The following MAP1B variants were observed in gnomAD, a reference collection of about 807,000 sequenced individuals.
MAP1B encodes microtubule-associated protein 1B.
MAP1B carries 12 observed loss-of-function variants against 176.1 expected under a neutral mutation model. The observed-to-expected ratio is 0.07, with a 90% CI of 0.04 to 0.11. MAP1B has a LOEUF of 0.11. MAP1B is among the 10% of genes least tolerant of loss of function. The pLI is 1.00. For missense variants in MAP1B, 2,523 were observed against 2,990.5 expected (o/e 0.84, Z 3.65); for synonymous variants, 1,044 against 1,135.0 (o/e 0.92, Z 1.61).
chr5:72,128,884 C>G (rs1745675378), intron 2 of MAP1B, among the ~76,000 whole-genome samples: 1 of 152,206 alleles, frequency 6.6e-6, no homozygotes, highest in Admixed American at 6.5e-5. Context: ...ATCTCCTGGC[C>G]TCAAGCAGTC....
chr5:72,107,624 C>A lies in MAP1B; in HGVS notation c.93C>A (p.Arg31=). Reference sequence around the variant, plus strand: ...CCACCTCGCCTAGCCTGTCGCACCGCTTCCTTGACAGCAAGTTCTACTTGC... The same window carrying A: ...CCACCTCGCCTAGCCTGTCGCACCGATTCCTTGACAGCAAGTTCTACTTGC... The part of the protein sequence containing the change: ...AASTSPSLSH[R]FLDSKFYLLV... Residue 31 remains arginine, a synonymous_variant, in exon 1 of 7, where the codon CGC becomes CGA. Transcript: ENST00000296755. 6.2e-7 allele frequency: 1 copy of A among 1,600,236 alleles called. No individual in the cohort carries two copies. Among genetic ancestry groups the A allele is most frequent in the South Asian group, 1.1e-5 (1 of 90,924 alleles).
chr5:72,157,574 C>G lies in MAP1B; in HGVS notation c.287-26169C>G, dbSNP rs139995184. Among the ~76,000 whole-genome samples the G allele has an allele frequency of 8.6e-3, 1,316 of 152,250 alleles. 23 individuals carry two copies. The highest frequency in any genetic ancestry group is 0.03 in the African/African-American group (1,234 of 41,528). ...CTCCCTGGGGACTGACTGGGGAGGA[C>G]ACCTTTGATTACAGGGATCGGGGAG... On this transcript the variant is annotated intron_variant, in intron 2 of 6. Transcript: ENST00000296755.
chr5:72,144,507 C>T (rs1050627591), intron 2 of MAP1B, among the ~76,000 whole-genome samples: 1 of 152,184 alleles, frequency 6.6e-6, no homozygotes, highest in Non-Finnish European at 1.5e-5. Flanking sequence ...GATCCTCCCT[C>T]CTTAGCCTAC....
chr5:72,117,419 T>A (rs1351999071), intron 2 of MAP1B, among the ~76,000 whole-genome samples: 1 of 152,246 alleles, frequency 6.6e-6, no homozygotes. Flanking sequence ...GACTTCTTTT[T>A]TTGTGTGTAC....
chr5:72,120,954 G>GT (rs1745516916), intron 2 of MAP1B, among the ~76,000 whole-genome samples: 1 of 152,206 alleles, frequency 6.6e-6, no homozygotes, highest in African/African-American at 2.4e-5. Flanking sequence ...GTTTCTCAGA[G>GT]AAACGACTGC....
chr5:72,146,483 T>C (rs1261246078), intron 2 of MAP1B, among the ~76,000 whole-genome samples: 1 of 152,250 alleles, frequency 6.6e-6, no homozygotes, highest in Admixed American at 6.5e-5. Context: ...TAACGTTTAC[T>C]AAATGCTTCC....
intron 2 of MAP1B, among the ~76,000 whole-genome samples, chr5:72,155,975 C>G (rs1252446595): frequency 6.6e-6 from 1 of 152,110 alleles, no homozygotes; most frequent in African/African-American, 2.4e-5. Context: ...CCACATTGGT[C>G]AGGTTGGTCT....
rs1334230891 is a variant in MAP1B, at chr5:72,199,925, C to T, written c.6570C>T (p.Asp2190=). ...ACGAGTCGGAAACCATCCCCACAGA[C>T]AAAACTGTCACGTACAAACACATGG... ...SEDESETIPT[D]KTVTYKHMDP... is the part of the protein sequence containing the mutation. Residue 2190 remains aspartate (D), a synonymous_variant, in exon 5 of 7, where the codon GAC becomes GAT. Transcript: ENST00000296755. The surrounding 1 kb of genome is among the most constrained non-coding windows in gnomAD (Gnocchi z 4.2). 1 of 1,614,208 alleles carries T rather than the reference C, an allele frequency of 6.2e-7. No homozygotes were observed. Among genetic ancestry groups the T allele is most frequent in the South Asian group, 1.1e-5 (1 of 91,088 alleles).
At position 72,197,192 on chromosome 5, in the gene MAP1B, C is replaced by T. The variant is rs144127266; in HGVS notation, c.3837C>T (p.Phe1279=). The T allele has an allele frequency of 7.0e-5, 113 of 1,614,122 alleles. No individual in the cohort carries two copies. Among genetic ancestry groups the T allele is most frequent in the Non-Finnish European group, 9.2e-5 (108 of 1,180,060 alleles). The change falls in exon 5 of 7, where the codon TTC becomes TTT. Residue 1279 remains phenylalanine, a synonymous_variant. Coordinates refer to ENST00000296755, the MANE Select transcript of MAP1B (RefSeq NM_005909.5). ...KTPLGERSVN[F]SLTPNEIKVS... is the part of the protein sequence containing the mutation. The stretch of plus-strand genomic sequence containing the variant: ...CCCTGGGTGAACGTAGTGTGAACTT[C>T]TCTCTGACGCCCAATGAGATTAAAG...
chr5:72,143,861 A>AT (rs995226663), intron 2 of MAP1B, among the ~76,000 whole-genome samples: 32 of 147,540 alleles, frequency 2.2e-4, no homozygotes, highest in South Asian at 4.2e-4. Flanking sequence ...TAATTTATTT[A>AT]TTTTTTTTGT....
At chr5:72,170,449 C>A (rs549044432) in intron 2 of MAP1B, among the ~76,000 whole-genome samples, 328 of 152,200 alleles carry the variant, frequency 2.2e-3, no homozygotes, top group African/African-American at 7.6e-3. Flanking sequence ...TTTAATAAAT[C>A]TTTTACTGCT....
chr5:72,187,017 A>G (rs1026374714), intron 4 of MAP1B, among the ~76,000 whole-genome samples: 2 of 152,244 alleles, frequency 1.3e-5, no homozygotes, highest in African/African-American at 4.8e-5. Flanking sequence ...CACTTTACAG[A>G]TGGTAAAAAT....
intron 1 of MAP1B, among the ~76,000 whole-genome samples, chr5:72,114,048 A>G (rs888163977): frequency 1.3e-5 from 2 of 152,200 alleles, no homozygotes; most frequent in Non-Finnish European, 2.9e-5. Context: ...CCTTTCCTTA[A>G]GCACGTTAAC....
At position 72,194,762 on chromosome 5, in the gene MAP1B, C is replaced by A; in HGVS notation, c.1407C>A (p.Val469=). The A allele has an allele frequency of 6.2e-7, 1 of 1,614,182 alleles. No individual in the cohort carries two copies. The highest frequency in any genetic ancestry group is 8.5e-7 in the Non-Finnish European group (1 of 1,180,046). ...VDLPISYLTS[V]SSLIVWHPAN... ...TCCCGATTTCCTACTTAACTTCAGT[C>A]TCATCTTTGATTGTGTGGCATCCAG... The change falls in exon 5 of 7, where the codon GTC becomes GTA. Residue 469 remains valine, a synonymous_variant. Coordinates refer to ENST00000296755, the MANE Select transcript of MAP1B (RefSeq NM_005909.5). This position sits in a 1 kb window ranked among gnomAD's most constrained non-coding sequence, Gnocchi z 7.2.
At chr5:72,185,351 A>T (rs1387002151) in intron 3 of MAP1B, among the ~76,000 whole-genome samples, 2 of 152,192 alleles carry the variant, frequency 1.3e-5, no homozygotes, top group Non-Finnish European at 1.5e-5. Context: ...CTCTGTTACT[A>T]ACAGAATCGG....
intron 2 of MAP1B, among the ~76,000 whole-genome samples, chr5:72,151,980 A>G (rs1489326253): frequency 1.3e-5 from 2 of 152,228 alleles, no homozygotes; most frequent in African/African-American, 4.8e-5. Context: ...ACTGTTAGCA[A>G]CTTACATAAC....
At chr5:72,138,848 A>G (rs540140140) in intron 2 of MAP1B, among the ~76,000 whole-genome samples, 2 of 152,326 alleles carry the variant, frequency 1.3e-5, no homozygotes, top group South Asian at 4.1e-4. Context: ...AAATTGTAAT[A>G]TGGGTTATCA....
chr5:72,174,991 CTCCT>C (rs1340929410), intron 2 of MAP1B, among the ~76,000 whole-genome samples: 1 of 129,454 alleles, frequency 7.7e-6, no homozygotes, highest in African/African-American at 2.9e-5. Context: ...CCTTCCCTCC[CTCCT>C]TCCTTCCTTC....
Position 72,182,023 on chromosome 5 carries a change from CTTTTT to C in MAP1B, c.287-1703_287-1699del, listed in dbSNP as rs34251206. On this transcript the variant is annotated intron_variant, in intron 2 of 6. Coordinates refer to ENST00000296755, the MANE Select transcript of MAP1B (RefSeq NM_005909.5). ...ACAGGCATGAGCCACCGCACCTGGC[CTTTTT>C]TTTTTTTTTTTTTTTTGGAGACACG... Among the ~76,000 whole-genome samples the C allele has an allele frequency of 5.0e-4, 47 of 94,748 alleles. No homozygotes were observed. In the East Asian group the frequency reaches 5.5e-3, roughly 11 times the overall value. 62.2% of individuals were successfully genotyped at this position (94,748 alleles called of 152,430 possible). A position where few individuals can be genotyped will look rare whatever the true frequency, so the allele number is the denominator to read the frequency against.
Sources: gnomAD v4.1 joint callset for allele counts (sites outside exome capture counted in the v4.1 genomes callset) on GRCh38, gnomAD v4.1.1 for gene constraint, Gnocchi (gnomAD v3.1) non-coding constraint, MANE v1.5 for transcripts, NCBI Gene and HGNC (gene_info 2026-07-23, HGNC 2026-07-21) for gene names.